RRM2: variants seen among roughly 807,000 people sequenced by gnomAD.
The protein encoded by RRM2 is ribonucleotide reductase regulatory subunit M2.
A neutral mutation model predicts 45.9 loss-of-function variants in RRM2; 6 were observed. That is an observed-to-expected ratio of 0.13 (90% CI 0.07 to 0.26). The LOEUF is 0.26. Ranked by LOEUF, RRM2 falls within the 10% of genes least tolerant of loss-of-function variation. RRM2 has a pLI of 1.00. For synonymous variants in RRM2, 177 were observed against 173.0 expected (o/e 1.02, Z -0.18); for missense variants, 343 against 489.5 (o/e 0.70, Z 2.82).
rs1182564821 is a variant in RRM2 at position 10,127,640 on chromosome 2, A to G, written c.798+420A>G. On this transcript the variant is annotated intron_variant, in intron 7 of 9. Transcript: ENST00000304567. This position sits in a 1 kb window ranked among gnomAD's most constrained non-coding sequence, Gnocchi z 4.1. ...TAGGTGCCTGCCACCATGCCCAGCT[A>G]ATTTTCGTCTTTTTATACAGACGGG... Among the ~76,000 whole-genome samples, 1 of 151,892 alleles carries G rather than the reference A, an allele frequency of 6.6e-6. No individual in the cohort carries two copies. Among genetic ancestry groups the G allele is most frequent in the Non-Finnish European group, 1.5e-5 (1 of 67,988 alleles).
intron 3 of RRM2, among the ~76,000 whole-genome samples, chr2:10,182,959 C>T (rs1385666382): frequency 6.6e-6 from 1 of 152,150 alleles, no homozygotes; most frequent in African/African-American, 2.4e-5. Context: ...GGGAGGACTG[C>T]TTGAGCCCAG....
At chr2:10,161,493 C>G (rs947934404) in intron 3 of RRM2, among the ~76,000 whole-genome samples, 3 of 152,206 alleles carry the variant, frequency 2.0e-5, no homozygotes, top group Non-Finnish European at 4.4e-5. Flanking sequence ...ACGTGGCAAC[C>G]TGGACCAGGG....
At chr2:10,188,526 T>C (rs1664218046) in intron 3 of RRM2, among the ~76,000 whole-genome samples, 1 of 152,152 alleles carries the variant, frequency 6.6e-6, no homozygotes, top group Non-Finnish European at 1.5e-5. Context: ...TCATTTCACA[T>C]GAATCACCTC....
intron 3 of RRM2, among the ~76,000 whole-genome samples, chr2:10,187,996 G>A (rs558875498): frequency 2.0e-4 from 31 of 152,322 alleles, no homozygotes; most frequent in African/African-American, 6.7e-4. Flanking sequence ...AACTCGGGGC[G>A]GTGGGGTCTA....
At chr2:10,158,260 AG>A (rs1044804236) in intron 3 of RRM2, among the ~76,000 whole-genome samples, 28 of 152,270 alleles carry the variant, frequency 1.8e-4, no homozygotes, top group African/African-American at 4.6e-4. Context: ...TGAGTGGGTG[AG>A]GGGGTGATAC....
chr2:10,172,809 G>GGCA lies in RRM2; in HGVS notation n.482+30439_482+30441dup, dbSNP rs948611785. On this transcript the variant is annotated intron_variant and non_coding_transcript_variant, in intron 3 of 3. Coordinates refer to the RRM2 transcript ENST00000381786. This position sits in a 1 kb window ranked among gnomAD's most constrained non-coding sequence, Gnocchi z 4.9. ...AAACAATGAAGAATTTCAAGATGGT[G>GGCA]GCAGCAGAGCCTGAAACCGAGCTCA... 6.6e-6 allele frequency among the ~76,000 whole-genome samples: 1 copy of GGCA among 152,236 alleles called. No homozygotes were observed. Among genetic ancestry groups the GGCA allele is most frequent in the African/African-American group, 2.4e-5 (1 of 41,464 alleles).
chr2:10,155,199 AG>A (rs1663399441), intron 3 of RRM2: 1 of 306,014 alleles, frequency 3.3e-6, no homozygotes, highest in Non-Finnish European at 6.3e-6. Flanking sequence ...GTCTTGATTC[AG>A]GGCCTAATGG....
chr2:10,144,504 G>T (rs959049513), intron 3 of RRM2, among the ~76,000 whole-genome samples: 1 of 152,142 alleles, frequency 6.6e-6, no homozygotes, highest in African/African-American at 2.4e-5. Context: ...CCTTCTTACA[G>T]TGCTCAGCTT....
At chr2:10,157,012 A>ATTTT (rs1663440380) in intron 3 of RRM2, among the ~76,000 whole-genome samples, 8 of 61,834 alleles carry the variant, frequency 1.3e-4, no homozygotes, top group Admixed American at 1.9e-4. Context: ...AGCTCAGCCC[A>ATTTT]TTTCTTTTTT....
rs1378565311 is a variant in RRM2 at position 10,127,741 on chromosome 2, C to CT, written c.798+521_798+522insT. On this transcript the variant is annotated intron_variant, in intron 7 of 9. Coordinates refer to ENST00000304567, the MANE Select transcript of RRM2 (RefSeq NM_001034.4). The surrounding 1 kb of genome is among the most constrained non-coding windows in gnomAD (Gnocchi z 4.1). ...AGGTGATCCACCCGCCTCGGCCTCC[C>CT]AGAGTGCTGGGATTATAGGCATGAG... 1.3e-5 allele frequency among the ~76,000 whole-genome samples: 2 copies of CT among 152,076 alleles called. No individual in the cohort carries two copies. Among genetic ancestry groups the CT allele is most frequent in the Non-Finnish European group, 2.9e-5 (2 of 67,998 alleles).
intron 3 of RRM2, among the ~76,000 whole-genome samples, chr2:10,152,106 G>A (rs1316162397): frequency 2.0e-5 from 3 of 151,704 alleles, no homozygotes; most frequent in African/African-American, 4.8e-5. Flanking sequence ...CCGCCACCAC[G>A]CCCAGCTAAT....
intron 3 of RRM2, among the ~76,000 whole-genome samples, chr2:10,202,688 G>C (rs950728933): frequency 6.6e-6 from 1 of 152,166 alleles, no homozygotes; most frequent in Non-Finnish European, 1.5e-5. Context: ...CTGGTTGGAG[G>C]TGTCATTTGT....
chr2:10,147,952 C>T (rs1020581872), intron 3 of RRM2, among the ~76,000 whole-genome samples: 2 of 152,002 alleles, frequency 1.3e-5, no homozygotes, highest in Admixed American at 6.6e-5. Context: ...TGAGACCAGC[C>T]TGGCCAACAT....
chr2:10,184,949 C>T (rs1664135261), intron 3 of RRM2, among the ~76,000 whole-genome samples: 1 of 152,350 alleles, frequency 6.6e-6, no homozygotes, highest in South Asian at 2.1e-4. Flanking sequence ...GGGTTTCAGA[C>T]CCGTCTCTGC....
intron 3 of RRM2, chr2:10,199,394 T>G (rs948160119): frequency 1.3e-5 from 2 of 151,906 alleles, no homozygotes; most frequent in African/African-American, 4.8e-5. Context: ...CAATAAAAAT[T>G]GAAAAACCTC....
chr2:10,180,141 G>A (rs6432071), intron 3 of RRM2, among the ~76,000 whole-genome samples: 37,419 of 152,094 alleles, frequency 0.25, 5,152 homozygotes, highest in East Asian at 0.51. Flanking sequence ...ATCTGGCTCC[G>A]GACATACTGG....
At chr2:10,191,679 A>G (rs1386115677) in intron 3 of RRM2, among the ~76,000 whole-genome samples, 5 of 152,172 alleles carry the variant, frequency 3.3e-5, no homozygotes, top group Non-Finnish European at 5.9e-5. Context: ...GCCAGGGCTC[A>G]GGACCCAGGG....
intron 3 of RRM2, among the ~76,000 whole-genome samples, chr2:10,162,078 C>G (rs1249106839): frequency 6.6e-6 from 1 of 152,234 alleles, no homozygotes; most frequent in Non-Finnish European, 1.5e-5. Context: ...TGCTCCAGAA[C>G]CCACAGCTCC....
rs115617957 is a variant in RRM2 at position 10,151,071 on chromosome 2, T to C, written n.482+8696T>C. ...CTCAGGTGATCCACCCGCCTTGGCC[T>C]ACCATTGCTGGAATTACAGGCATGC... On this transcript the variant is annotated intron_variant and non_coding_transcript_variant, in intron 3 of 3. Coordinates refer to the RRM2 transcript ENST00000381786. Among the ~76,000 whole-genome samples the C allele has an allele frequency of 3.9e-3, 592 of 152,294 alleles. 6 individuals carry two copies. The highest frequency in any genetic ancestry group is 0.014 in the African/African-American group (569 of 41,564).
Sources: allele counts gnomAD v4.1 joint callset (sites outside exome capture counted in the v4.1 genomes callset), GRCh38; gene constraint gnomAD v4.1.1; non-coding constraint Gnocchi (gnomAD v3.1); transcripts MANE v1.5; gene names NCBI Gene and HGNC (gene_info 2026-07-23, HGNC 2026-07-21).